RBMS3: variants seen among roughly 807,000 people sequenced by gnomAD.
RBMS3 encodes RNA-binding motif, single-stranded-interacting protein 3.
A neutral mutation model predicts 66.8 loss-of-function variants in RBMS3; 27 were observed. The observed-to-expected ratio is 0.40, with a 90% confidence interval of 0.30 to 0.56. RBMS3 has a LOEUF of 0.56. Among genes scored for constraint, RBMS3 ranks in the 20% least tolerant of loss-of-function variants. RBMS3 has a pLI of 0.40. For missense variants in RBMS3, 513 were observed against 549.5 expected (o/e 0.93, Z 0.66); for synonymous variants, 188 against 183.0 (o/e 1.03, Z -0.22).
At chr3:29,353,115 TA>T (rs1291626631) in intron 1 of RBMS3, among the ~76,000 whole-genome samples, 1 of 151,992 alleles carries the variant, frequency 6.6e-6, no homozygotes, top group African/African-American at 2.4e-5. Context: ...TGGGTTTTGT[TA>T]GGTGTAATCA....
At chr3:29,434,288 A>C (rs1281990547) in intron 1 of RBMS3, among the ~76,000 whole-genome samples, 2 of 152,234 alleles carry the variant, frequency 1.3e-5, no homozygotes, top group African/African-American at 4.8e-5. Flanking sequence ...AGTAATGTTG[A>C]GGAAAACAAT....
intron 4 of RBMS3, among the ~76,000 whole-genome samples, chr3:29,651,643 C>G (rs898118637): frequency 3.3e-5 from 5 of 152,124 alleles, no homozygotes; most frequent in African/African-American, 1.2e-4. Flanking sequence ...ACTGCCCATC[C>G]TGAAATAGTA....
At chr3:29,567,148 A>T (rs1326324403) in intron 3 of RBMS3, among the ~76,000 whole-genome samples, 1 of 152,152 alleles carries the variant, frequency 6.6e-6, no homozygotes, top group African/African-American at 2.4e-5. Context: ...GAGAGAAATC[A>T]CGTCTCATTT....
intron 1 of RBMS3, among the ~76,000 whole-genome samples, chr3:29,371,895 G>A (rs1417518933): frequency 6.6e-6 from 1 of 151,904 alleles, no homozygotes; most frequent in Non-Finnish European, 1.5e-5. Context: ...CCATATCCTC[G>A]TCACCTTTAA....
At chr3:29,676,768 A>G (rs75777767) in intron 4 of RBMS3, among the ~76,000 whole-genome samples, 7,795 of 152,254 alleles carry the variant, frequency 0.051, 697 homozygotes, top group African/African-American at 0.18. Context: ...TTTAAAAAAT[A>G]TACATGATGA....
intron 5 of RBMS3, among the ~76,000 whole-genome samples, chr3:29,758,574 G>T (rs1053685423): frequency 6.6e-6 from 1 of 152,116 alleles, no homozygotes; most frequent in Non-Finnish European, 1.5e-5. Flanking sequence ...TGTAAGGGAG[G>T]CCTCTCTGCT....
chr3:29,785,818 C>A (rs1430848668), intron 6 of RBMS3, among the ~76,000 whole-genome samples: 1 of 151,960 alleles, frequency 6.6e-6, no homozygotes, highest in African/African-American at 2.4e-5. Context: ...TTCTGTTGAA[C>A]ATAGTACTGG....
chr3:29,400,025 G>A (rs1270323132), intron 1 of RBMS3, among the ~76,000 whole-genome samples: 2 of 152,104 alleles, frequency 1.3e-5, no homozygotes, highest in African/African-American at 2.4e-5. Flanking sequence ...TGGTAAAGGT[G>A]TTGTAGATGC....
At position 29,683,162 on chromosome 3, in the gene RBMS3, G is replaced by T. The variant is rs529800512; in HGVS notation, c.400-56558G>T. 2.6e-4 allele frequency among the ~76,000 whole-genome samples: 39 copies of T among 152,226 alleles called. No individual in the cohort carries two copies. In the South Asian group the frequency reaches 8.1e-3, roughly 32 times the overall value. ...ACTTCAGCAGATGTCAAGACCATTTGTTTGGTTCCTCATAGCCTCCATGTG... is the reference window on the plus strand; with the variant it reads ...ACTTCAGCAGATGTCAAGACCATTTTTTTGGTTCCTCATAGCCTCCATGTG... On this transcript the variant is annotated intron_variant, in intron 4 of 14. Coordinates refer to ENST00000383767, the MANE Select transcript of RBMS3 (RefSeq NM_001003793.3).
chr3:29,387,853 T>G (rs2039081640), intron 1 of RBMS3, among the ~76,000 whole-genome samples: 1 of 152,180 alleles, frequency 6.6e-6, no homozygotes, highest in African/African-American at 2.4e-5. Context: ...AGAAGAAGCT[T>G]TTGTAAATAT....
intron 1 of RBMS3, among the ~76,000 whole-genome samples, chr3:29,391,503 G>A (rs2039294110): frequency 6.6e-6 from 1 of 152,184 alleles, no homozygotes; most frequent in African/African-American, 2.4e-5. Flanking sequence ...ACGGTGGAAA[G>A]GAGATTAAGA....
chr3:29,592,317 C>A (rs553449779), intron 4 of RBMS3, among the ~76,000 whole-genome samples: 39 of 151,830 alleles, frequency 2.6e-4, no homozygotes, highest in Admixed American at 5.3e-4. Flanking sequence ...CAAGAAAAAA[C>A]CAAACAACCT....
chr3:29,312,632 CTCTG>C lies in RBMS3; in HGVS notation c.75+30880_75+30883del, dbSNP rs566847222. Among the ~76,000 whole-genome samples, 757 of 151,516 alleles carry C rather than the reference CTCTG, an allele frequency of 5.0e-3. 7 individuals are homozygous for C. Among genetic ancestry groups the C allele is most frequent in the Middle Eastern group, 0.031 (9 of 294 alleles). On this transcript the variant is annotated intron_variant, in intron 1 of 14. Coordinates refer to ENST00000383767, the MANE Select transcript of RBMS3 (RefSeq NM_001003793.3). ...TCCTTGTCTTTGTGTATCTATATGT[CTCTG>C]TCTATGTCTGTCCCTTTGTCACTCT...
At chr3:29,800,174 T>C (rs1219185919) in intron 6 of RBMS3, among the ~76,000 whole-genome samples, 9 of 152,198 alleles carry the variant, frequency 5.9e-5, no homozygotes, top group African/African-American at 2.2e-4. Flanking sequence ...TCCCTGCCCT[T>C]TTGAACTCTG....
At chr3:29,949,692 G>A (rs944996076) in intron 12 of RBMS3, among the ~76,000 whole-genome samples, 1 of 151,536 alleles carries the variant, frequency 6.6e-6, no homozygotes, top group African/African-American at 2.4e-5. Context: ...AGTGTGTACA[G>A]AATAATTGAT....
At chr3:29,963,914 G>A (rs1165711942) in intron 12 of RBMS3, among the ~76,000 whole-genome samples, 1 of 150,690 alleles carries the variant, frequency 6.6e-6, no homozygotes, top group Non-Finnish European at 1.5e-5. Flanking sequence ...AAGAGAAAAA[G>A]TAACTCACAC....
At position 29,292,191 on chromosome 3, in the gene RBMS3, C is replaced by G. The variant is rs571892771; in HGVS notation, c.75+10435C>G. Among the ~76,000 whole-genome samples, 17 of 151,798 alleles carry G rather than the reference C, an allele frequency of 1.1e-4. No homozygotes were observed. The South Asian group carries it at 3.5e-3, about 32-fold the overall frequency. The stretch of plus-strand genomic sequence containing the variant: ...TGCAATGAATCAGCTTTGATTGTCT[C>G]TCTTACACATAAAACAACAACACAC... On this transcript the variant is annotated intron_variant, in intron 1 of 14. Coordinates refer to ENST00000383767, the MANE Select transcript of RBMS3 (RefSeq NM_001003793.3).
chr3:29,513,327 G>C (rs754570119), intron 3 of RBMS3, among the ~76,000 whole-genome samples: 5 of 152,114 alleles, frequency 3.3e-5, no homozygotes, highest in African/African-American at 9.7e-5. Context: ...CAGGAATTGA[G>C]CCGAAGATAT....
intron 1 of RBMS3, among the ~76,000 whole-genome samples, chr3:29,306,726 C>G (rs1316732088): frequency 6.6e-6 from 1 of 151,810 alleles, no homozygotes; most frequent in Non-Finnish European, 1.5e-5. Context: ...AGCCTCCCTG[C>G]AGAGGCTCCC....
Sources: allele counts gnomAD v4.1 joint callset (sites outside exome capture counted in the v4.1 genomes callset), GRCh38; gene constraint gnomAD v4.1.1; transcripts MANE v1.5; gene names NCBI Gene and HGNC (gene_info 2026-07-23, HGNC 2026-07-21).